The following GTF2E2 variants were observed in gnomAD, a reference collection of about 807,000 sequenced individuals.
GTF2E2 encodes the protein general transcription factor IIE subunit 2.
In GTF2E2, 21 loss-of-function variants were observed where a neutral mutation model predicts 40.5. The ratio of observed to expected loss-of-function variants is 0.52; its 90% CI spans 0.37 to 0.75. The LOEUF (loss-of-function observed/expected upper bound fraction) is 0.75. Among genes scored for constraint, GTF2E2 ranks in the 30% least tolerant of loss-of-function variants. GTF2E2 has a pLI of 0.00. For synonymous variants in GTF2E2, 117 were observed against 121.6 expected, an observed-to-expected ratio of 0.96 and a Z score of 0.25; for missense variants, 298 against 338.4, an observed-to-expected ratio of 0.88 and a Z score of 0.94.
At chr8:30,582,157 C>G (rs1828532440) in intron 6 of GTF2E2, among the ~76,000 whole-genome samples, 1 of 152,110 alleles carries the variant, frequency 6.6e-6, no homozygotes, top group Non-Finnish European at 1.5e-5. Flanking sequence ...GACCAAGGTA[C>G]ACACCACCAT....
intron 6 of GTF2E2, among the ~76,000 whole-genome samples, chr8:30,581,865 G>T (rs1285158430): frequency 6.6e-6 from 1 of 152,080 alleles, no homozygotes; most frequent in Non-Finnish European, 1.5e-5. Flanking sequence ...GCACATGACA[G>T]GTCCTCAGTG....
intron 4 of GTF2E2, 132 bp from the exon 5 acceptor site, chr8:30,612,613 G>A (rs561125966): frequency 2.3e-5 from 10 of 443,018 alleles, no homozygotes; most frequent in South Asian, 1.6e-4. Context: ...TGCAACCTCC[G>A]CCTCCTGGGT....
At chr8:30,580,965 A>C (rs952983268) in intron 6 of GTF2E2, among the ~76,000 whole-genome samples, 9 of 152,194 alleles carry the variant, frequency 5.9e-5, no homozygotes, top group African/African-American at 1.9e-4. Context: ...ACAAGGAGAA[A>C]GGCGACAGTC....
intron 6 of GTF2E2, among the ~76,000 whole-genome samples, chr8:30,593,466 G>A (rs532837830): frequency 9.2e-5 from 14 of 152,282 alleles, no homozygotes; most frequent in African/African-American, 3.1e-4. Context: ...ATGTACTCTT[G>A]GAGAATTGAT....
At chr8:30,582,598 G>C (rs1297938717) in intron 6 of GTF2E2, among the ~76,000 whole-genome samples, 1 of 152,110 alleles carries the variant, frequency 6.6e-6, no homozygotes, top group Non-Finnish European at 1.5e-5. Context: ...ACATCTCTTT[G>C]GTCTCCTCCA....
rs373675051 is a variant in GTF2E2, at chr8:30,653,569, C to T, written c.30G>A (p.Glu10=). Reference sequence around the variant, plus strand: ...TAGAAAGAGCTCGTTTTTTGAACAGCTCCCTTTCTCTCAACAGGCTTGGAT... The same window carrying T: ...TAGAAAGAGCTCGTTTTTTGAACAGTTCCCTTTCTCTCAACAGGCTTGGAT... The part of the protein sequence containing the change: MDPSLLRER[E]LFKKRALSTP... The change falls in exon 2 of 8, where the codon GAG becomes GAA. Residue 10 remains glutamate (E), a synonymous_variant. Coordinates refer to ENST00000355904, the MANE Select transcript of GTF2E2 (RefSeq NM_002095.6). The T allele has an allele frequency of 4.3e-4, 697 of 1,613,100 alleles. 3 individuals carry two copies. Among genetic ancestry groups the T allele is most frequent in the Non-Finnish European group, 5.7e-4 (673 of 1,179,498 alleles).
intron 3 of GTF2E2, among the ~76,000 whole-genome samples, chr8:30,624,325 T>C (rs1234058354): frequency 1.3e-5 from 2 of 152,096 alleles, no homozygotes; most frequent in Non-Finnish European, 1.5e-5. Context: ...TAGTTGTAGA[T>C]GTGTGGTATT....
chr8:30,614,492 G>A (rs1800854546), intron 4 of GTF2E2, 116 bp downstream of exon 4: 1 of 591,868 alleles, frequency 1.7e-6, no homozygotes, highest in African/African-American at 1.9e-5. Flanking sequence ...AGTCAGCAGT[G>A]GGCTGAGATC....
intron 6 of GTF2E2, among the ~76,000 whole-genome samples, chr8:30,599,338 C>A (rs987381332): frequency 3.3e-5 from 5 of 151,722 alleles, no homozygotes; most frequent in African/African-American, 1.2e-4. Context: ...GCACTTTGGG[C>A]GGCTGAGGCA....
Position 30,607,111 on chromosome 8 carries a change from T to A in GTF2E2, c.589A>T (p.Lys197Ter). The A allele has an allele frequency of 6.7e-7, 1 of 1,497,208 alleles. No individual in the cohort carries two copies. Among genetic ancestry groups the A allele is most frequent in the Non-Finnish European group, 9.2e-7 (1 of 1,086,468 alleles). The allele number at this position is 1,497,208 out of a possible 1,614,324, so 92.7% of individuals were successfully genotyped here. Residue 197 changes from lysine to a stop codon, truncating the protein, a stop_gained, in exon 6 of 8, where the codon AAG becomes TAG. Transcript: ENST00000355904. LOFTEE classifies it high-confidence loss of function. Reference protein sequence around the residue: ...DQILFVNRPDKKKILFFNDKS... With the variant: ...DQILFVNRPD The stretch of plus-strand genomic sequence containing the variant: ...TCATTGAAGAAAAGTATTTTCTTCT[T>A]ATCGGGACGATTTACAAATAGTATC...
At chr8:30,629,716 T>G (rs1461529449) in intron 3 of GTF2E2, among the ~76,000 whole-genome samples, 1 of 148,634 alleles carries the variant, frequency 6.7e-6, no homozygotes, top group Non-Finnish European at 1.5e-5. Context: ...AAAAGACTGT[T>G]GAGCTATACT....
At chr8:30,628,249 T>C (rs537406567) in intron 3 of GTF2E2, among the ~76,000 whole-genome samples, 33 of 152,178 alleles carry the variant, frequency 2.2e-4, no homozygotes, top group African/African-American at 7.7e-4. Context: ...AGAAATCAAG[T>C]AGAAAATTTT....
chr8:30,590,474 G>A (rs1386246695), intron 6 of GTF2E2, among the ~76,000 whole-genome samples: 1 of 152,134 alleles, frequency 6.6e-6, no homozygotes, highest in African/African-American at 2.4e-5. Flanking sequence ...ATATTACAAT[G>A]TAGAGATCTA....
At chr8:30,646,401 T>C (rs1182353763) in intron 2 of GTF2E2, among the ~76,000 whole-genome samples, 1 of 151,348 alleles carries the variant, frequency 6.6e-6, no homozygotes, top group Admixed American at 6.6e-5. Flanking sequence ...TCAACACCTG[T>C]TGAAATATGG....
intron 3 of GTF2E2, among the ~76,000 whole-genome samples, chr8:30,625,245 C>A (rs1161850143): frequency 6.6e-6 from 1 of 151,882 alleles, no homozygotes; most frequent in African/African-American, 2.4e-5. Context: ...TTGTCAAAGG[C>A]CTTTTCTGCA....
intron 2 of GTF2E2, among the ~76,000 whole-genome samples, chr8:30,638,807 A>G (rs528234734): frequency 1.3e-5 from 2 of 152,210 alleles, no homozygotes; most frequent in Non-Finnish European, 2.9e-5. Flanking sequence ...AAATATGAAG[A>G]CTGCCTTGTG....
At chr8:30,597,477 C>G (rs753162285) in intron 6 of GTF2E2, 1 of 152,300 alleles carries the variant, frequency 6.6e-6, no homozygotes, top group East Asian at 1.9e-4. Flanking sequence ...TGCAGCCCCC[C>G]AGGCGATCTC....
chr8:30,623,175 CT>C (rs760115693), intron 3 of GTF2E2, among the ~76,000 whole-genome samples: 229 of 152,186 alleles, frequency 1.5e-3, no homozygotes, highest in Non-Finnish European at 2.8e-3. Flanking sequence ...TCCATGAAAT[CT>C]TCACAATCCA....
At position 30,614,682 on chromosome 8, in the gene GTF2E2, T is replaced by C; in HGVS notation, c.292A>G (p.Thr98Ala). 1 of 1,609,284 alleles carries C rather than the reference T, an allele frequency of 6.2e-7. No homozygotes were observed. The highest frequency in any genetic ancestry group is 8.5e-7 in the Non-Finnish European group (1 of 1,176,094). ...RHQRGDTHPL[T>A]LDEILDETQH... ...GTTTCATCCAAAATTTCATCTAAGG[T>C]TAGAGGATGCGTATCTCCTCGCTGA... Residue 98 changes from threonine to alanine, a missense_variant, in exon 4 of 8, where the codon ACC becomes GCC. Physicochemically the swap from Thr to Ala is moderately conservative, Grantham distance 58. Transcript: ENST00000355904.
Sources: allele counts gnomAD v4.1 joint callset (sites outside exome capture counted in the v4.1 genomes callset), GRCh38; gene constraint gnomAD v4.1.1; transcripts MANE v1.5; gene names NCBI Gene and HGNC (gene_info 2026-07-23, HGNC 2026-07-21).